The following COPS5 variants were observed in gnomAD, a reference collection of about 807,000 sequenced individuals.
COPS5 encodes COP9 signalosome subunit 5, also known as COP9 signalosome complex subunit 5.
Under a neutral mutation model 44.4 loss-of-function variants are expected in COPS5, and 8 were observed. The ratio of observed to expected loss-of-function variants is 0.18; its 90% confidence interval spans 0.11 to 0.32. COPS5 has a LOEUF of 0.32. Ranked by LOEUF, COPS5 falls within the 10% of genes least tolerant of loss-of-function variation. COPS5 has a pLI of 1.00. For missense variants in COPS5, 159 were observed against 406.4 expected (o/e 0.39, Z 5.23); for synonymous variants, 122 against 142.8 (o/e 0.85, Z 1.04).
rs774348403 is a variant in COPS5, at chr8:67,062,012, G to A, written c.-16C>T. On this transcript the variant is annotated 5_prime_UTR_variant, in exon 1 of 8. Transcript: ENST00000357849. ...ACGCCGCCATCGCCGAGGAAGCGGAGAAGTTGTCGTCTCTACAACCAAGAC... is the reference window on the plus strand; with the variant it reads ...ACGCCGCCATCGCCGAGGAAGCGGAAAAGTTGTCGTCTCTACAACCAAGAC... 2.4e-5 allele frequency: 38 copies of A among 1,614,080 alleles called. No homozygotes were observed. The highest frequency in any genetic ancestry group is 3.3e-4 in the Middle Eastern group (2 of 6,084).
chr8:67,059,173 A>T, intron 2 of COPS5, 38 bp downstream of exon 2: 1 of 1,479,354 alleles, frequency 6.8e-7, no homozygotes, highest in Non-Finnish European at 9.4e-7. Context: ...TGAGACTCTA[A>T]CTTGCAATTA....
At chr8:67,054,168 C>T (rs991308557) in intron 5 of COPS5, among the ~76,000 whole-genome samples, 11 of 151,460 alleles carry the variant, frequency 7.3e-5, no homozygotes, top group African/African-American at 2.2e-4. Flanking sequence ...AGGATTGGTA[C>T]GCAACACGAT....
chr8:67,055,885 G>A (rs933873411), intron 5 of COPS5, among the ~76,000 whole-genome samples: 1 of 150,862 alleles, frequency 6.6e-6, no homozygotes, highest in Non-Finnish European at 1.5e-5. Flanking sequence ...GGGAGGGTAT[G>A]TAATACAGTG....
rs778600367 is a variant in COPS5, at chr8:67,043,125, T to C, written c.*108A>G. On this transcript the variant is annotated 3_prime_UTR_variant, in exon 8 of 8. Transcript: ENST00000357849. ...TACAGGATATTAATATTTAGGACACTTCAGAGCACCTTATACTTCTAATCA... is the reference window on the plus strand; with the variant it reads ...TACAGGATATTAATATTTAGGACACCTCAGAGCACCTTATACTTCTAATCA... 1 of 636,956 alleles carries C rather than the reference T, an allele frequency of 1.6e-6. No individual in the cohort carries two copies. The highest frequency in any genetic ancestry group is 2.0e-5 in the African/African-American group (1 of 48,964). 39.5% of individuals were successfully genotyped at this position (636,956 alleles called of 1,614,324 possible).
intron 6 of COPS5, among the ~76,000 whole-genome samples, chr8:67,048,096 C>T (rs576934854): frequency 6.6e-6 from 1 of 151,576 alleles, no homozygotes; most frequent in African/African-American, 2.4e-5. Flanking sequence ...GACAACATGG[C>T]AAAACCCTGT....
At chr8:67,052,875 T>C (rs1804439931) in intron 5 of COPS5, among the ~76,000 whole-genome samples, 1 of 151,260 alleles carries the variant, frequency 6.6e-6, no homozygotes, top group Non-Finnish European at 1.5e-5. Context: ...CCGGGACTCT[T>C]GGAAGGTGCT....
chr8:67,051,192 T>TA (rs1222887613), intron 6 of COPS5, 38 bp downstream of exon 6: 1 of 1,283,824 alleles, frequency 7.8e-7, no homozygotes, highest in Admixed American at 1.7e-5. Flanking sequence ...GAAGCTTAGA[T>TA]AAAATTCAAA....
intron 6 of COPS5, among the ~76,000 whole-genome samples, chr8:67,050,593 C>T (rs1585710337): frequency 7.3e-6 from 1 of 137,788 alleles, no homozygotes; most frequent in African/African-American, 3.0e-5. Flanking sequence ...GTATCTTGAC[C>T]TGGAAATATG....
intron 5 of COPS5, among the ~76,000 whole-genome samples, chr8:67,053,728 C>T (rs767035360): frequency 1.6e-5 from 2 of 127,844 alleles, no homozygotes; most frequent in African/African-American, 3.0e-5. Context: ...ATTTTTGGGC[C>T]GGGCACGGTG....
In COPS5 at chr8:67,057,416, C is replaced by T. The variant is rs539349512; in HGVS notation, c.537G>A (p.Gly179=). The T allele has an allele frequency of 6.4e-5, 103 of 1,610,962 alleles. No homozygotes were observed. The South Asian group carries it at 1.1e-3, about 17-fold the overall frequency. Residue 179 remains glycine, a synonymous_variant, in exon 4 of 8, where the codon GGG becomes GGA. Transcript: ENST00000357849. ...VIDPTRTISA[G]KVNLGAFRTY... is the part of the protein sequence containing the mutation. ...TCCTAAAGGCGCCAAGATTCACTTT[C>T]CCTGCGGATATTGTTCTTGTTGGAT...
At position 67,043,127 on chromosome 8, in the gene COPS5, C is replaced by G. The variant is rs1325245241; in HGVS notation, c.*106G>C. On this transcript the variant is annotated 3_prime_UTR_variant, in exon 8 of 8. Transcript: ENST00000357849. Reference sequence around the variant, plus strand: ...CAGGATATTAATATTTAGGACACTTCAGAGCACCTTATACTTCTAATCAGA... The same window carrying G: ...CAGGATATTAATATTTAGGACACTTGAGAGCACCTTATACTTCTAATCAGA... 2 of 643,252 alleles carry G rather than the reference C, an allele frequency of 3.1e-6. No homozygotes were observed. The allele number at this position is 643,252 out of a possible 1,614,324, so 39.8% of individuals were successfully genotyped here. A position where few individuals can be genotyped will look rare whatever the true frequency, so the allele number is the denominator to read the frequency against.
rs1563447343 is a variant in COPS5 at position 67,056,696 on chromosome 8, TATATATATATATATAA to T, written c.574-108_574-93del. 90 of 46,106 alleles carry T rather than the reference TATATATATATATATAA, an allele frequency of 2.0e-3. 8 individuals carry two copies. The highest frequency in any genetic ancestry group is 5.8e-3 in the African/African-American group (51 of 8,752). The allele number at this position is 46,106 out of a possible 1,614,324, so 2.9% of individuals were successfully genotyped here. On this transcript the variant is annotated intron_variant, in intron 4 of 7. Coordinates refer to ENST00000357849, the MANE Select transcript of COPS5 (RefSeq NM_006837.3). ...ATATATATATATATATATATATATA[TATATATATATATATAA>T]AAATGAGAAAAACATGTTTTCTATG... is the stretch of plus-strand genomic sequence containing the variant.
chr8:67,060,500 A>G, intron 1 of COPS5: 2 of 1,289,330 alleles, frequency 1.6e-6, no homozygotes, highest in South Asian at 2.5e-5. Context: ...TGTAGACCTC[A>G]TGTTGGAAGT....
chr8:67,050,612 A>AGTGT (rs1317416454), intron 6 of COPS5, among the ~76,000 whole-genome samples: 2 of 118,282 alleles, frequency 1.7e-5, no homozygotes, highest in Non-Finnish European at 3.2e-5. Flanking sequence ...TGTGAGTGTG[A>AGTGT]GAGTGTGTGT....
rs534011313 is a variant in COPS5, at chr8:67,052,108, A to T, written c.660-767T>A. 2.6e-5 allele frequency among the ~76,000 whole-genome samples: 4 copies of T among 152,302 alleles called. No individual in the cohort carries two copies. The East Asian group carries it at 7.7e-4, about 29-fold the overall frequency. On this transcript the variant is annotated intron_variant, in intron 5 of 7. Transcript: ENST00000357849. ...GATGCTACAGTGCTATATAAAATGA[A>T]TCACCTACCAACTAAGGGTTAGAGA...
At chr8:67,059,646 C>T (rs1804557740) in intron 1 of COPS5, 4 of 557,030 alleles carry the variant, frequency 7.2e-6, no homozygotes, top group Non-Finnish European at 1.3e-5. Context: ...ACGTATCCCC[C>T]TTAGGGGAGG....
At chr8:67,060,696 T>C (rs888979773) in intron 1 of COPS5, 1 of 310,428 alleles carries the variant, frequency 3.2e-6, no homozygotes, top group Non-Finnish European at 6.3e-6. Context: ...ATAAGTAAAT[T>C]TCCTAAGGTC....
chr8:67,044,514 C>A, intron 7 of COPS5: 1 of 152,138 alleles, frequency 6.6e-6, no homozygotes, highest in East Asian at 1.9e-4. Context: ...AAAATAGATA[C>A]CAACATATAA....
chr8:67,050,556 T>TGA (rs974078219), intron 6 of COPS5, among the ~76,000 whole-genome samples: 11 of 140,848 alleles, frequency 7.8e-5, no homozygotes, highest in African/African-American at 2.8e-4. Context: ...TATGTGAGTG[T>TGA]GAGTGTGTGT....
Sources: gnomAD v4.1 joint callset for allele counts (sites outside exome capture counted in the v4.1 genomes callset) on GRCh38, gnomAD v4.1.1 for gene constraint, MANE v1.5 for transcripts, NCBI Gene and HGNC (gene_info 2026-07-23, HGNC 2026-07-21) for gene names.